Variants in COL9A3 observed in about 807,000 individuals in gnomAD.
The protein encoded by COL9A3 is collagen alpha-3(IX) chain.
In COL9A3, 82 loss-of-function variants were observed where a neutral mutation model predicts 110.2. That is an observed-to-expected ratio of 0.74 (90% confidence interval 0.62 to 0.89). COL9A3 has a LOEUF of 0.89. Ranked by LOEUF, COL9A3 falls within the 40% of genes least tolerant of loss-of-function variation. The pLI, the probability that COL9A3 is intolerant of heterozygous loss-of-function variation, is 0.00. For missense variants in COL9A3, 1,066 were observed against 981.3 expected (o/e 1.09, Z -1.15); for synonymous variants, 494 against 403.8 (o/e 1.22, Z -2.68).
chr20:62,835,851 T>C (rs2063630620), intron 26 of COL9A3, 70 bp from the exon 27 acceptor site: 2 of 1,513,880 alleles, frequency 1.3e-6, no homozygotes, highest in Non-Finnish European at 9.2e-7. Flanking sequence ...ATTTATTTTA[T>C]CCTCAACTGG....
intron 2 of COL9A3, 162 bp downstream of exon 2, chr20:62,817,797 C>T: frequency 1.5e-6 from 1 of 653,742 alleles, no homozygotes; most frequent in Non-Finnish European, 2.8e-6. Context: ...GGGGGTGGCC[C>T]TGCGGGGACT....
At chr20:62,840,076 G>A (rs530811323) in intron 31 of COL9A3, among the ~76,000 whole-genome samples, 71 of 151,706 alleles carry the variant, frequency 4.7e-4, no homozygotes, top group African/African-American at 1.1e-3. Context: ...CACCATGCCC[G>A]CACCATTCTG....
At chr20:62,830,282 T>C in intron 22 of COL9A3, 78 bp from the exon 23 acceptor site, 1 of 1,501,478 alleles carries the variant, frequency 6.7e-7, no homozygotes, top group Non-Finnish European at 9.1e-7. Context: ...GGGGGAAGGC[T>C]GAGCCAGGCT....
At chr20:62,838,609 G>A (rs1250339235) in intron 30 of COL9A3, 75 bp from the exon 31 acceptor site, 2 of 1,327,270 alleles carry the variant, frequency 1.5e-6, no homozygotes, top group Non-Finnish European at 2.1e-6. Flanking sequence ...TTGTTACAAA[G>A]GTTGATCAGA....
chr20:62,829,932 A>C lies in COL9A3; in HGVS notation c.1161+113A>C, dbSNP rs572844723. 8.1e-5 allele frequency: 109 copies of C among 1,351,694 alleles called. No individual in the cohort carries two copies. The South Asian group carries it at 8.8e-4, about 11-fold the overall frequency. The allele number at this position is 1,351,694 out of a possible 1,614,324, so 83.7% of individuals were successfully genotyped here. ...TTGGTTGCCTTGATGGGCCAGGCCC[A>C]CAAAAGCCTAGGATGCCAGGAGGTG... On this transcript the variant is annotated intron_variant, in intron 22 of 31. Transcript: ENST00000649368.
intron 10 of COL9A3, 48 bp downstream of exon 10, chr20:62,822,680 TGGG>T (rs1206490870): frequency 6.3e-7 from 1 of 1,589,796 alleles, no homozygotes; most frequent in East Asian, 2.2e-5. Flanking sequence ...GTGCCTACCT[TGGG>T]GGGAGGGGTT....
chr20:62,840,709 A>C lies in COL9A3; in HGVS notation c.2032A>C (p.Lys678Gln). ...QGAVLGGVGEKSGSRSS is the reference protein window; with the variant it reads ...QGAVLGGVGEQSGSRSS ...AGCCGTGTTAGGAGGGGTCGGGGAG[A>C]AATCAGGCTCTCGAAGCTCATAAAA... Residue 678 changes from lysine to glutamine, a missense_variant, in exon 32 of 32, where the codon AAA (lysine) becomes CAA (glutamine). Transcript: ENST00000649368. 6.3e-7 allele frequency: 1 copy of C among 1,585,292 alleles called. No homozygotes were observed. Among genetic ancestry groups the C allele is most frequent in the Middle Eastern group, 1.7e-4 (1 of 6,024 alleles).
At chr20:62,819,876 G>T in intron 4 of COL9A3, 53 bp from the exon 5 acceptor site, 2 of 1,605,500 alleles carry the variant, frequency 1.2e-6, no homozygotes, top group South Asian at 1.1e-5. Context: ...TGCCTGGGGG[G>T]TGGCATGTGC....
At position 62,817,133 on chromosome 20, in the gene COL9A3, C is replaced by CG; in HGVS notation, c.73dup (p.Ala25GlyfsTer25). ...TGCTCGGGGAGCTTCTGGCGGCCGCCGGGGCGCAGGTGAGCGCGAGCTCCG... is the reference window on the plus strand; with the variant it reads ...TGCTCGGGGAGCTTCTGGCGGCCGCCGGGGGCGCAGGTGAGCGCGAGCTCCG... On this transcript the variant is annotated frameshift_variant, in exon 1 of 32. Coordinates refer to ENST00000649368, the MANE Select transcript of COL9A3 (RefSeq NM_001853.4). LOFTEE classifies it high-confidence loss of function. The CG allele has an allele frequency of 7.2e-7, 1 of 1,396,360 alleles. No individual in the cohort carries two copies. Among genetic ancestry groups the CG allele is most frequent in the Non-Finnish European group, 9.4e-7 (1 of 1,069,504 alleles). The allele number at this position is 1,396,360 out of a possible 1,614,324, so 86.5% of individuals were successfully genotyped here.
rs1026291547 is a variant in COL9A3 at position 62,822,598 on chromosome 20, C to G, written c.485C>G (p.Pro162Arg). The G allele has an allele frequency of 3.7e-6, 6 of 1,612,494 alleles. No individual in the cohort carries two copies. Among genetic ancestry groups the G allele is most frequent in the Non-Finnish European group, 5.1e-6 (6 of 1,179,972 alleles). Residue 162 changes from proline (P) to arginine (R), a missense_variant, in exon 10 of 32, where the codon CCA (proline) becomes CGA (arginine). By Grantham distance (103) the Pro-to-Arg change is moderately radical. Transcript: ENST00000649368. ...PPGPPGPPGH[P>R]GVLPEGATDL... ...TGTCTCTTTTTGTCTTAGGGACACC[C>G]AGGAGTCCTCCCTGAAGGCGCTACT...
At position 62,820,427 on chromosome 20, in the gene COL9A3, AG is replaced by A. The variant is rs1302086263; in HGVS notation, c.309+446del. On this transcript the variant is annotated intron_variant, in intron 5 of 31. Coordinates refer to ENST00000649368, the MANE Select transcript of COL9A3 (RefSeq NM_001853.4). ...TGCCTTTCTCCCCTTGTGGCTTCTG[AG>A]TACAAACCCGAAGCCAGCATTCTCT... Among the ~76,000 whole-genome samples the A allele has an allele frequency of 2.6e-5, 4 of 152,200 alleles. No individual in the cohort carries two copies. In the East Asian group the frequency reaches 7.7e-4, roughly 29 times the overall value.
In COL9A3 at chr20:62,828,959, G is replaced by A. The variant is rs1227101491; in HGVS notation, c.991G>A (p.Gly331Ser). ...TCGCAACGGTGCTCCGGGAGAGAAGGGCCCCAACGGGCTGCCGGTGAGTGC... is the reference window on the plus strand; with the variant it reads ...TCGCAACGGTGCTCCGGGAGAGAAGAGCCCCAACGGGCTGCCGGTGAGTGC... ...AGRNGAPGEK[G>S]PNGLPGLPGR... Residue 331 changes from glycine (G) to serine (S), a missense_variant, in exon 19 of 32, where the codon GGC becomes AGC. Transcript: ENST00000649368. The A allele has an allele frequency of 1.2e-6, 2 of 1,609,396 alleles. No individual in the cohort carries two copies. The highest frequency in any genetic ancestry group is 2.2e-5 in the East Asian group (1 of 44,780).
intron 6 of COL9A3, 97 bp downstream of exon 6, chr20:62,821,313 C>A: frequency 7.1e-7 from 1 of 1,399,818 alleles, no homozygotes; most frequent in Non-Finnish European, 1.0e-6. Context: ...CAGGGACCAT[C>A]CCTGGCCCTC....
At chr20:62,822,738 C>T in intron 10 of COL9A3, 106 bp downstream of exon 10, 1 of 1,235,818 alleles carries the variant, frequency 8.1e-7, no homozygotes, top group Middle Eastern at 2.2e-4. Context: ...AAGGCAGGGC[C>T]CGAGCCCTCC....
chr20:62,840,534 G>A lies in COL9A3; in HGVS notation c.1865-8G>A. 1 of 1,611,258 alleles carries A rather than the reference G, an allele frequency of 6.2e-7. No homozygotes were observed. Among genetic ancestry groups the A allele is most frequent in the Non-Finnish European group, 8.5e-7 (1 of 1,179,626 alleles). The stretch of plus-strand genomic sequence containing the variant: ...GCAGCTGAACTCACCTTTCTGCTCT[G>A]TCCCAAGGACCCCAAGGCGTGCCCG... On this transcript the variant is annotated splice_polypyrimidine_tract_variant and splice_region_variant and intron_variant, in intron 31 of 31. Coordinates refer to ENST00000649368, the MANE Select transcript of COL9A3 (RefSeq NM_001853.4).
intron 19 of COL9A3, 26 bp downstream of exon 19, chr20:62,829,002 C>G: frequency 6.3e-7 from 1 of 1,579,864 alleles, no homozygotes; most frequent in South Asian, 1.1e-5. Context: ...GTGGGGCCAG[C>G]CTGGGGCGCC....
chr20:62,836,046 C>G, intron 27 of COL9A3, 93 bp downstream of exon 27: 1 of 1,606,664 alleles, frequency 6.2e-7, no homozygotes, highest in Non-Finnish European at 8.5e-7. Context: ...CTGCAGGGCA[C>G]TGCCCAGATC....
Position 62,828,761 on chromosome 20 carries a change from C to T in COL9A3, c.901-3C>T. 1 of 1,612,772 alleles carries T rather than the reference C, an allele frequency of 6.2e-7. No homozygotes were observed. The highest frequency in any genetic ancestry group is 2.2e-5 in the East Asian group (1 of 44,880). On this transcript the variant is annotated splice_region_variant and splice_polypyrimidine_tract_variant and intron_variant, in intron 17 of 31. Coordinates refer to ENST00000649368, the MANE Select transcript of COL9A3 (RefSeq NM_001853.4). The stretch of plus-strand genomic sequence containing the variant: ...ACGGGCCTTACTCATCCCTTGTCCC[C>T]AGGGCATGCCGGGCAAGGACGGCCA...
chr20:62,830,047 C>T (rs1275519137), intron 22 of COL9A3, among the ~76,000 whole-genome samples: 3 of 152,324 alleles, frequency 2.0e-5, no homozygotes, highest in Non-Finnish European at 1.5e-5. Context: ...ATGCTGAGCC[C>T]AGCCTTGTGC....
Sources: allele counts gnomAD v4.1 joint callset (sites outside exome capture counted in the v4.1 genomes callset), GRCh38; gene constraint gnomAD v4.1.1; transcripts MANE v1.5; gene names NCBI Gene and HGNC (gene_info 2026-07-23, HGNC 2026-07-21).